The following DIPK2B variants were observed in gnomAD, a reference collection of about 807,000 sequenced individuals.
DIPK2B encodes the protein divergent protein kinase domain 2B.
Under a neutral mutation model 22.2 loss-of-function variants are expected in DIPK2B, and 15 were observed. The observed-to-expected ratio is 0.68, with a 90% CI of 0.45 to 1.04. DIPK2B has a LOEUF of 1.04. Among genes scored for constraint, DIPK2B ranks in the 50% least tolerant of loss-of-function variants. DIPK2B has a pLI of 0.00. For missense variants in DIPK2B, 345 were observed against 348.3 expected (o/e 0.99, Z 0.08); for synonymous variants, 163 against 153.2 (o/e 1.06, Z -0.47).
chrX:45,156,764 T>C (rs2046997866), intron 3 of DIPK2B, among the ~76,000 whole-genome samples: 2 of 111,786 alleles, frequency 1.8e-5, no homozygotes, highest in Non-Finnish European at 3.8e-5. Flanking sequence ...GCCAAATGCC[T>C]GGCACATAGC....
chrX:45,169,625 T>TGGTCTCTG (rs2148339727), intron 2 of DIPK2B, among the ~76,000 whole-genome samples: 1 of 112,148 alleles, frequency 8.9e-6, no homozygotes, highest in East Asian at 2.8e-4. Flanking sequence ...GGCTCTGGCA[T>TGGTCTCTG]GGTCTCTGGA....
At chrX:45,191,491 G>A (rs1352435925) in intron 2 of DIPK2B, 4 of 351,886 alleles carry the variant, frequency 1.1e-5, no homozygotes, top group African/African-American at 7.8e-5. Context: ...GCCAGAGGTC[G>A]CAGCTAGGAA....
intron 3 of DIPK2B, among the ~76,000 whole-genome samples, chrX:45,156,985 C>T (rs1350365211): frequency 9.2e-6 from 1 of 108,314 alleles, no homozygotes; most frequent in Non-Finnish European, 1.9e-5. Flanking sequence ...CCTTCTCCTC[C>T]TCACCTTTCT....
At chrX:45,185,653 C>CT (rs147218566) in intron 2 of DIPK2B, among the ~76,000 whole-genome samples, 1,847 of 86,380 alleles carry the variant, frequency 0.021, 64 homozygotes, top group African/African-American at 0.073. Flanking sequence ...CTTTTCTTTT[C>CT]TTTTTTTTTT....
intron 2 of DIPK2B, among the ~76,000 whole-genome samples, chrX:45,174,886 T>G (rs955082012): frequency 1.8e-5 from 2 of 112,028 alleles, no homozygotes; most frequent in Non-Finnish European, 3.8e-5. Context: ...TATGGCAATA[T>G]GTATTCAAAA....
Position 45,163,591 on chromosome X carries a change from T to C in DIPK2B, c.499-5703A>G, listed in dbSNP as rs754096635. On this transcript the variant is annotated intron_variant, in intron 2 of 4. Transcript: ENST00000398000. ...TCACCAGCAATCAGCAGTGTCCTCA[T>C]TTAAAGAGTTCTTACCAGAATGGAA... 4.6e-5 allele frequency: 35 copies of C among 752,774 alleles called. No homozygotes were observed. The South Asian group carries it at 2.0e-3, about 42-fold the overall frequency. The allele number at this position is 752,774 out of a possible 1,213,427, so 62.0% of individuals were successfully genotyped here. A position where few individuals can be genotyped will look rare whatever the true frequency, so the allele number is the denominator to read the frequency against.
chrX:45,164,194 T>C (rs1402438118), intron 2 of DIPK2B: 1 of 1,196,406 alleles, frequency 8.4e-7, no homozygotes. Flanking sequence ...GCTTTTTCAC[T>C]GGTGTTATCT....
chrX:45,168,709 G>A (rs573662246), intron 2 of DIPK2B, among the ~76,000 whole-genome samples: 1 of 111,996 alleles, frequency 8.9e-6, no homozygotes, highest in Non-Finnish European at 1.9e-5. Flanking sequence ...GTTTCCCAGC[G>A]CCTCCCGCAT....
intron 2 of DIPK2B, among the ~76,000 whole-genome samples, chrX:45,158,969 C>T (rs917633490): frequency 9.0e-6 from 1 of 111,260 alleles, no homozygotes. Flanking sequence ...ATGGGTTAGA[C>T]TCTAATATCT....
intron 2 of DIPK2B, among the ~76,000 whole-genome samples, chrX:45,190,076 C>T: frequency 8.9e-6 from 1 of 112,188 alleles, no homozygotes; most frequent in Middle Eastern, 4.6e-3. Flanking sequence ...GAAAGGGATT[C>T]ACTTATTATG....
In DIPK2B at chrX:45,157,837, C is replaced by T; in HGVS notation, c.550G>A (p.Val184Met). 2 of 1,170,558 alleles carry T rather than the reference C, an allele frequency of 1.7e-6. No homozygotes were observed. Among genetic ancestry groups the T allele is most frequent in the African/African-American group, 1.8e-5 (1 of 56,078 alleles). ...GCCACCTCTGCATAGCGCCTGACCACGCGATCCAGGAGTCGCTGCGAAGGG... is the reference window on the plus strand; with the variant it reads ...GCCACCTCTGCATAGCGCCTGACCATGCGATCCAGGAGTCGCTGCGAAGGG... ...RCPSQRLLDRVVRRYAEVADA... is the reference protein window; with the variant it reads ...RCPSQRLLDRMVRRYAEVADA... The change falls in exon 3 of 5, where the codon GTG becomes ATG. Residue 184 changes from valine to methionine, a missense_variant. Coordinates refer to ENST00000398000, the MANE Select transcript of DIPK2B (RefSeq NM_176819.4).
chrX:45,178,419 A>G (rs1261524441), intron 2 of DIPK2B, among the ~76,000 whole-genome samples: 1 of 111,607 alleles, frequency 9.0e-6, no homozygotes, highest in African/African-American at 3.3e-5. Context: ...ACCTGGTATC[A>G]GACTTACCCT....
intron 2 of DIPK2B, among the ~76,000 whole-genome samples, chrX:45,188,710 G>A (rs2047196074): frequency 8.9e-6 from 1 of 112,079 alleles, no homozygotes; most frequent in African/African-American, 3.2e-5. Context: ...ACTCCAGAAA[G>A]AAATCCTGTA....
intron 1 of DIPK2B, among the ~76,000 whole-genome samples, chrX:45,199,901 T>C (rs1011373944): frequency 3.6e-5 from 4 of 111,391 alleles, no homozygotes; most frequent in Non-Finnish European, 5.7e-5. Flanking sequence ...CTGAGAGCCA[T>C]GTGCATTGCA....
chrX:45,181,367 G>A (rs1310092510), intron 2 of DIPK2B, among the ~76,000 whole-genome samples: 1 of 111,714 alleles, frequency 9.0e-6, no homozygotes, highest in Non-Finnish European at 1.9e-5. Context: ...TGACTAAATG[G>A]CACTAAAATT....
chrX:45,164,203 C>A, intron 2 of DIPK2B: 2 of 1,201,458 alleles, frequency 1.7e-6, no homozygotes, highest in Non-Finnish European at 2.3e-6. Flanking sequence ...CTGGTGTTAT[C>A]TCAGCATACA....
At chrX:45,163,226 A>G in intron 2 of DIPK2B, 1 of 226,250 alleles carries the variant, frequency 4.4e-6, no homozygotes, top group Non-Finnish European at 6.4e-6. Context: ...CTACAGCATC[A>G]GCTCCTGCCC....
In DIPK2B at chrX:45,157,866, C is replaced by A. The variant is rs755578524; in HGVS notation, c.521G>T (p.Arg174Leu). 1.7e-6 allele frequency: 2 copies of A among 1,155,267 alleles called. No homozygotes were observed. The highest frequency in any genetic ancestry group is 1.9e-5 in the South Asian group (1 of 51,966). The change falls in exon 3 of 5, where the codon CGC (arginine) becomes CTC (leucine). Residue 174 changes from arginine to leucine, a missense_variant. By Grantham distance (102) the Arg-to-Leu change is moderately radical. Coordinates refer to ENST00000398000, the MANE Select transcript of DIPK2B (RefSeq NM_176819.4). Reference protein sequence around the residue: ...LVQGLASPLLRCPSQRLLDRV... With the variant: ...LVQGLASPLLLCPSQRLLDRV... ...ATCCAGGAGTCGCTGCGAAGGGCAG[C>A]GCAGGAGCGGGCTGGCCAGGCCCTA...
At chrX:45,163,477 T>G (rs1419810364) in intron 2 of DIPK2B, 1 of 752,361 alleles carries the variant, frequency 1.3e-6, no homozygotes, top group Non-Finnish European at 1.6e-6. Context: ...TTTAGTGAAA[T>G]CTGAATAGAG....
Sources: gnomAD v4.1 joint callset for allele counts (sites outside exome capture counted in the v4.1 genomes callset) on GRCh38, gnomAD v4.1.1 for gene constraint, MANE v1.5 for transcripts, NCBI Gene and HGNC (gene_info 2026-07-23, HGNC 2026-07-21) for gene names.